VEPH1: variants seen among roughly 807,000 people sequenced by gnomAD.
The protein encoded by VEPH1 is ventricular zone expressed PH domain containing 1.
VEPH1 carries 80 observed loss-of-function variants against 85.2 expected under a neutral mutation model. The observed-to-expected ratio is 0.94, with a 90% CI of 0.78 to 1.13. The LOEUF (loss-of-function observed/expected upper bound fraction) is 1.13, where lower values mean the gene tolerates loss of function less well. Among genes scored for constraint, VEPH1 ranks in the 50% most tolerant of loss-of-function variants. The pLI is 0.00. For missense variants in VEPH1, 955 were observed against 980.5 expected, an observed-to-expected ratio of 0.97 and a Z score of 0.35; for synonymous variants, 297 against 348.0, an observed-to-expected ratio of 0.85 and a Z score of 1.63.
intron 9 of VEPH1, among the ~76,000 whole-genome samples, chr3:157,321,842 T>G (rs1478387684): frequency 6.6e-6 from 1 of 152,202 alleles, no homozygotes; most frequent in East Asian, 1.9e-4. Context: ...TTTAATTTGC[T>G]TATTAACTTT....
At position 157,424,835 on chromosome 3, in the gene VEPH1, G is replaced by T. The variant is rs143934171; in HGVS notation, c.696+3487C>A. ...CAGAGCATAAAAGTTTGGAAAATTT[G>T]CAGCCAACAATGTGAAAGAAAAGAA... On this transcript the variant is annotated intron_variant, in intron 5 of 13. Transcript: ENST00000362010. 3.2e-4 allele frequency among the ~76,000 whole-genome samples: 48 copies of T among 152,302 alleles called. No individual in the cohort carries two copies. In the East Asian group the frequency reaches 9.1e-3, roughly 29 times the overall value.
Position 157,289,032 on chromosome 3 carries a change from G to A in VEPH1, c.2011-2358C>T, listed in dbSNP as rs555483031. On this transcript the variant is annotated intron_variant, in intron 11 of 13. Transcript: ENST00000362010. Reference sequence around the variant, plus strand: ...TAAAAAGTATGTTTTCCAAGATAAAGACTGAAGAAGCACCTGGGAATTTTG... The same window carrying A: ...TAAAAAGTATGTTTTCCAAGATAAAAACTGAAGAAGCACCTGGGAATTTTG... Among the ~76,000 whole-genome samples, 21 of 152,220 alleles carry A rather than the reference G, an allele frequency of 1.4e-4. 1 individual carries two copies. Among genetic ancestry groups the A allele is most frequent in the African/African-American group, 4.3e-4 (18 of 41,522 alleles).
chr3:157,407,748 G>A (rs756296208), intron 6 of VEPH1, among the ~76,000 whole-genome samples: 11 of 152,236 alleles, frequency 7.2e-5, no homozygotes, highest in Middle Eastern at 3.4e-3. Flanking sequence ...ACAAATAAGT[G>A]CAATGAGAAA....
intron 9 of VEPH1, among the ~76,000 whole-genome samples, chr3:157,361,289 A>C (rs1320150183): frequency 6.6e-6 from 1 of 152,232 alleles, no homozygotes; most frequent in Non-Finnish European, 1.5e-5. Context: ...TAGTGCAAAC[A>C]CTTTTGAAAG....
chr3:157,397,748 C>T (rs1481156937), intron 6 of VEPH1, among the ~76,000 whole-genome samples: 1 of 152,058 alleles, frequency 6.6e-6, no homozygotes, highest in African/African-American at 2.4e-5. Flanking sequence ...CATCAATTTT[C>T]TAATCATATT....
chr3:157,377,658 T>A (rs1052562280), intron 7 of VEPH1, among the ~76,000 whole-genome samples: 6 of 152,178 alleles, frequency 3.9e-5, no homozygotes, highest in African/African-American at 1.4e-4. Context: ...GGGCTGTTTC[T>A]GCTTTGCTTG....
chr3:157,498,836 T>A (rs2109780037), intron 1 of VEPH1, among the ~76,000 whole-genome samples: 1 of 152,334 alleles, frequency 6.6e-6, no homozygotes, highest in East Asian at 1.9e-4. Context: ...CTCCCTACCC[T>A]TATGAATGTC....
intron 3 of VEPH1, among the ~76,000 whole-genome samples, chr3:157,468,053 C>A (rs1267709224): frequency 1.3e-5 from 2 of 152,188 alleles, no homozygotes; most frequent in Non-Finnish European, 2.9e-5. Context: ...AGGTAGCATG[C>A]TTACGATTCT....
At chr3:157,312,906 T>C (rs1228035153) in intron 11 of VEPH1, among the ~76,000 whole-genome samples, 1 of 140,340 alleles carries the variant, frequency 7.1e-6, no homozygotes, top group South Asian at 2.5e-4. Context: ...AAACATTTTT[T>C]TTTTTTTTTT....
At chr3:157,351,402 C>G (rs1724853251) in intron 9 of VEPH1, among the ~76,000 whole-genome samples, 1 of 152,156 alleles carries the variant, frequency 6.6e-6, no homozygotes, top group Non-Finnish European at 1.5e-5. Flanking sequence ...CCATGTTGGA[C>G]AGGCTGGTCT....
chr3:157,444,525 T>TGGGGGG (rs1250225044), intron 4 of VEPH1, among the ~76,000 whole-genome samples: 2 of 152,206 alleles, frequency 1.3e-5, no homozygotes, highest in Non-Finnish European at 2.9e-5. Flanking sequence ...CTCAGACTCT[T>TGGGGGG]GGAGATCACA....
At chr3:157,478,037 C>T (rs1737654813) in intron 2 of VEPH1, among the ~76,000 whole-genome samples, 1 of 152,170 alleles carries the variant, frequency 6.6e-6, no homozygotes, top group Non-Finnish European at 1.5e-5. Context: ...CCCAAATCCC[C>T]TCTCCAGGAC....
At chr3:157,488,503 C>CT (rs368748738) in intron 2 of VEPH1, among the ~76,000 whole-genome samples, 27,165 of 133,078 alleles carry the variant, frequency 0.2, 2,976 homozygotes, top group South Asian at 0.29. Context: ...TTCTTTCTTT[C>CT]TTTCTTTTTT....
Position 157,288,864 on chromosome 3 carries a change from G to C in VEPH1, c.2011-2190C>G, listed in dbSNP as rs187596754. On this transcript the variant is annotated intron_variant, in intron 11 of 13. Coordinates refer to ENST00000362010, the MANE Select transcript of VEPH1 (RefSeq NM_001167912.2). ...TGTTCTGGGGTTGGACATTTTGGAG[G>C]TTTGACATGGTGACTGCAACATTTT... is the stretch of plus-strand genomic sequence containing the variant. 2.6e-5 allele frequency among the ~76,000 whole-genome samples: 4 copies of C among 152,300 alleles called. No homozygotes were observed. The East Asian group carries it at 5.8e-4, about 22-fold the overall frequency.
intron 2 of VEPH1, among the ~76,000 whole-genome samples, chr3:157,493,903 G>A (rs1209058661): frequency 6.6e-6 from 1 of 152,160 alleles, no homozygotes; most frequent in Non-Finnish European, 1.5e-5. Context: ...GTAAGAAGAT[G>A]AAAACCAGTG....
intron 7 of VEPH1, 61 bp from the exon 8 acceptor site, chr3:157,364,573 A>G: frequency 2.0e-6 from 3 of 1,496,276 alleles, no homozygotes; most frequent in Non-Finnish European, 2.7e-6. Flanking sequence ...GAACAGTGTT[A>G]TTCTCTATTT....
At chr3:157,418,462 A>G (rs1732087760) in intron 5 of VEPH1, among the ~76,000 whole-genome samples, 1 of 152,136 alleles carries the variant, frequency 6.6e-6, no homozygotes, top group Non-Finnish European at 1.5e-5. Context: ...TGTAAAGAAT[A>G]AAAGTTTTCA....
At chr3:157,474,513 C>T (rs763196242) in intron 2 of VEPH1, among the ~76,000 whole-genome samples, 114 of 152,200 alleles carry the variant, frequency 7.5e-4, no homozygotes, top group Middle Eastern at 3.4e-3. Flanking sequence ...CTGTAACTTT[C>T]TAGGAAATAA....
At chr3:157,266,863 T>C (rs1713717314) in intron 12 of VEPH1, among the ~76,000 whole-genome samples, 1 of 152,204 alleles carries the variant, frequency 6.6e-6, no homozygotes, top group African/African-American at 2.4e-5. Flanking sequence ...TATATATTTA[T>C]CTTCAATTTT....
Sources: allele counts gnomAD v4.1 joint callset (sites outside exome capture counted in the v4.1 genomes callset), GRCh38; gene constraint gnomAD v4.1.1; transcripts MANE v1.5; gene names NCBI Gene and HGNC (gene_info 2026-07-23, HGNC 2026-07-21).